Variants in HCK observed in about 807,000 individuals in gnomAD.
The protein encoded by HCK is HCK proto-oncogene, Src family tyrosine kinase.
A neutral mutation model predicts 70.4 loss-of-function variants in HCK; 40 were observed. The observed-to-expected ratio is 0.57, with a 90% CI of 0.44 to 0.74. The LOEUF is 0.74. Among genes scored for constraint, HCK ranks in the 30% least tolerant of loss-of-function variants. The pLI, the probability that HCK is intolerant of heterozygous loss-of-function variation, is 0.00. For synonymous variants in HCK, 245 were observed against 263.2 expected (o/e 0.93, Z 0.67); for missense variants, 568 against 697.2 (o/e 0.81, Z 2.09).
chr20:32,052,648 G>A (rs1326410173), intron 1 of HCK, among the ~76,000 whole-genome samples, 162 bp downstream of exon 1: 1 of 152,094 alleles, frequency 6.6e-6, no homozygotes, highest in African/African-American at 2.4e-5. Context: ...GGGATGAGGG[G>A]TCGACAGCGA....
rs2045995059 is a variant in HCK at position 32,099,035 on chromosome 20, T to C, written c.1278T>C (p.Pro426=). Reference sequence around the variant, plus strand: ...AGTTCCCCATCAAGTGGACAGCTCCTGAAGCCATCAACTTTGGCTCCTTCA... The same window carrying C: ...AGTTCCCCATCAAGTGGACAGCTCCCGAAGCCATCAACTTTGGCTCCTTCA... The change falls in exon 12 of 13, where the codon CCT becomes CCC. Residue 426 remains proline (P), a synonymous_variant. Transcript: ENST00000375852. 6.2e-7 allele frequency: 1 copy of C among 1,614,200 alleles called. No individual in the cohort carries two copies. The highest frequency in any genetic ancestry group is 1.1e-5 in the South Asian group (1 of 91,088).
chr20:32,056,904 A>G (rs1240980214), intron 1 of HCK, among the ~76,000 whole-genome samples: 1 of 152,216 alleles, frequency 6.6e-6, no homozygotes, highest in Non-Finnish European at 1.5e-5. Context: ...TAGGGCCTCA[A>G]AAAAACACTG....
intron 1 of HCK, among the ~76,000 whole-genome samples, chr20:32,071,267 C>T (rs2045534300): frequency 6.6e-6 from 1 of 152,134 alleles, no homozygotes; most frequent in South Asian, 2.1e-4. Context: ...CAGTGAGGTG[C>T]TGGTGGGGTG....
intron 12 of HCK, among the ~76,000 whole-genome samples, 185 bp from the exon 13 acceptor site, chr20:32,101,132 G>T (rs924684137): frequency 3.3e-5 from 5 of 152,184 alleles, no homozygotes; most frequent in Non-Finnish European, 5.9e-5. Context: ...GCCCAAACTG[G>T]GTCCCAGGCC....
intron 10 of HCK, among the ~76,000 whole-genome samples, chr20:32,089,792 AG>A (rs1202965627): frequency 1.3e-5 from 2 of 152,260 alleles, no homozygotes; most frequent in East Asian, 1.9e-4. Context: ...AGGAGCAATC[AG>A]AGAATGCTTC....
intron 1 of HCK, among the ~76,000 whole-genome samples, chr20:32,054,981 C>T (rs1481062160): frequency 6.6e-6 from 1 of 152,146 alleles, no homozygotes; most frequent in South Asian, 2.1e-4. Flanking sequence ...TGGAGTATCC[C>T]AGCAGGTAAC....
chr20:32,093,641 G>C (rs1157860056), intron 10 of HCK, among the ~76,000 whole-genome samples: 1 of 152,172 alleles, frequency 6.6e-6, no homozygotes, highest in Non-Finnish European at 1.5e-5. Context: ...GAATTCTAGA[G>C]AATCCCCCAA....
chr20:32,072,061 G>C, intron 2 of HCK: 1 of 436,724 alleles, frequency 2.3e-6, no homozygotes, highest in Non-Finnish European at 4.1e-6. Context: ...CTCCGGCCTG[G>C]GCAGAAGCAA....
chr20:32,082,508 G>A (rs977111575), intron 6 of HCK, among the ~76,000 whole-genome samples: 3 of 151,938 alleles, frequency 2.0e-5, no homozygotes, highest in Non-Finnish European at 4.4e-5. Context: ...CGGGCGTAGT[G>A]GCGGGCGTCT....
At chr20:32,098,287 T>C (rs1422075765) in intron 11 of HCK, among the ~76,000 whole-genome samples, 1 of 152,014 alleles carries the variant, frequency 6.6e-6, no homozygotes, top group Non-Finnish European at 1.5e-5. Context: ...CTCCTTGGTC[T>C]CCCAAAGTGC....
intron 1 of HCK, among the ~76,000 whole-genome samples, chr20:32,068,513 A>G (rs941975601): frequency 2.6e-5 from 4 of 152,306 alleles, no homozygotes; most frequent in Admixed American, 2.6e-4. Flanking sequence ...CCTAGTGACC[A>G]TGAACATGGA....
intron 6 of HCK, among the ~76,000 whole-genome samples, chr20:32,082,955 A>C (rs1229339704): frequency 6.6e-6 from 1 of 152,138 alleles, no homozygotes; most frequent in African/African-American, 2.4e-5. Context: ...AGTGGCTTAA[A>C]ACAACACCCG....
chr20:32,079,551 A>G (rs1410215224), intron 5 of HCK, among the ~76,000 whole-genome samples: 1 of 152,224 alleles, frequency 6.6e-6, no homozygotes, highest in African/African-American at 2.4e-5. Context: ...CAGTCTCAGC[A>G]AACAGGATTC....
intron 1 of HCK, among the ~76,000 whole-genome samples, chr20:32,068,036 C>A (rs1165610708): frequency 1.3e-5 from 2 of 152,096 alleles, no homozygotes; most frequent in African/African-American, 4.8e-5. Flanking sequence ...GTGGCTCACA[C>A]CTGAAATCCC....
At chr20:32,066,092 AACC>A (rs994686196) in intron 1 of HCK, among the ~76,000 whole-genome samples, 7 of 151,900 alleles carry the variant, frequency 4.6e-5, no homozygotes, top group Admixed American at 1.3e-4. Flanking sequence ...AACTCACTCA[AACC>A]ACTTTGTCAC....
At chr20:32,068,111 A>G (rs969543896) in intron 1 of HCK, among the ~76,000 whole-genome samples, 12 of 152,028 alleles carry the variant, frequency 7.9e-5, no homozygotes, top group African/African-American at 2.4e-4. Context: ...AGCCTGACCA[A>G]CGTGGTGAAA....
At chr20:32,095,780 TAAAG>T (rs1471669835) in intron 11 of HCK, among the ~76,000 whole-genome samples, 4 of 152,226 alleles carry the variant, frequency 2.6e-5, no homozygotes, top group Admixed American at 6.5e-5. Context: ...ATAAAGCTGT[TAAAG>T]AAAGAAACAG....
Position 32,101,489 on chromosome 20 carries a change from C to T in HCK, c.1551C>T (p.Ala517=). 1 of 1,613,610 alleles carries T rather than the reference C, an allele frequency of 6.2e-7. No individual in the cohort carries two copies. Among genetic ancestry groups the T allele is most frequent in the Non-Finnish European group, 8.5e-7 (1 of 1,179,840 alleles). The change falls in exon 13 of 13, where the codon GCC becomes GCT. Residue 517 remains alanine, a synonymous_variant. Coordinates refer to ENST00000375852, the MANE Select transcript of HCK (RefSeq NM_002110.5). ...GTGTGCTGGATGACTTCTACACGGC[C>T]ACAGAGAGCCAGTACCAACAGCAGC...
chr20:32,059,829 T>C (rs1025441741), intron 1 of HCK, among the ~76,000 whole-genome samples: 3 of 152,226 alleles, frequency 2.0e-5, no homozygotes, highest in African/African-American at 2.4e-5. Context: ...AATGGTTTAA[T>C]TTTTAACAAG....
Sources: allele counts gnomAD v4.1 joint callset (sites outside exome capture counted in the v4.1 genomes callset), GRCh38; gene constraint gnomAD v4.1.1; transcripts MANE v1.5; gene names NCBI Gene and HGNC (gene_info 2026-07-23, HGNC 2026-07-21).